ROBO2: variants seen among roughly 807,000 people sequenced by gnomAD.
ROBO2 encodes the protein roundabout guidance receptor 2.
A neutral mutation model predicts 160.8 loss-of-function variants in ROBO2; 53 were observed. The ratio of observed to expected loss-of-function variants is 0.33; its 90% CI spans 0.26 to 0.41. The LOEUF (loss-of-function observed/expected upper bound fraction) is 0.41, where lower values mean the gene tolerates loss of function less well. ROBO2 is among the 10% of genes least tolerant of loss of function. ROBO2 has a pLI of 1.00. For synonymous variants in ROBO2, 664 were observed against 611.7 expected (o/e 1.09, Z -1.26); for missense variants, 1,577 against 1,722.4 (o/e 0.92, Z 1.49).
At chr3:76,487,058 C>A (rs1560028572) in intron 2 of ROBO2, among the ~76,000 whole-genome samples, 1 of 152,166 alleles carries the variant, frequency 6.6e-6, no homozygotes, top group Non-Finnish European at 1.5e-5. Context: ...CAGCATCGAA[C>A]TCCTGGGCTC....
At chr3:76,202,306 A>C (rs1454175538) in intron 2 of ROBO2, among the ~76,000 whole-genome samples, 1 of 152,216 alleles carries the variant, frequency 6.6e-6, no homozygotes, top group African/African-American at 2.4e-5. Context: ...TATTTTCTGC[A>C]AAAATATAAA....
At chr3:76,434,334 A>G in intron 2 of ROBO2, 5 of 1,216,892 alleles carry the variant, frequency 4.1e-6, no homozygotes, top group Non-Finnish European at 6.1e-6. Flanking sequence ...AGAGCAGATC[A>G]AGAAGTGATA....
At chr3:76,638,962 C>T (rs1000402775) in intron 2 of ROBO2, among the ~76,000 whole-genome samples, 2 of 152,146 alleles carry the variant, frequency 1.3e-5, no homozygotes, top group Non-Finnish European at 2.9e-5. Flanking sequence ...CTGTGATGTA[C>T]TGCATTACGT....
chr3:76,638,637 G>C (rs549201804), intron 2 of ROBO2, among the ~76,000 whole-genome samples: 1 of 152,154 alleles, frequency 6.6e-6, no homozygotes, highest in African/African-American at 2.4e-5. Context: ...AAATAACGTA[G>C]CATGTTTAGA....
At chr3:77,186,018 G>A (rs1042012696) in intron 2 of ROBO2, among the ~76,000 whole-genome samples, 4 of 151,886 alleles carry the variant, frequency 2.6e-5, no homozygotes, top group African/African-American at 9.7e-5. Context: ...TGGACTTTGG[G>A]AATTTAGGGG....
intron 2 of ROBO2, among the ~76,000 whole-genome samples, chr3:77,194,367 C>T (rs1434220353): frequency 3.3e-5 from 5 of 152,158 alleles, no homozygotes; most frequent in African/African-American, 7.2e-5. Context: ...CTTAACATGG[C>T]TATTAGTTAC....
At chr3:76,164,449 C>A (rs896663918) in intron 2 of ROBO2, among the ~76,000 whole-genome samples, 1 of 152,094 alleles carries the variant, frequency 6.6e-6, no homozygotes, top group African/African-American at 2.4e-5. Context: ...GCAACTATAG[C>A]CTTATGAAAC....
At chr3:76,567,797 GTA>G (rs1553806022) in intron 2 of ROBO2, among the ~76,000 whole-genome samples, 24 of 72,452 alleles carry the variant, frequency 3.3e-4, no homozygotes, top group African/African-American at 6.3e-4. Flanking sequence ...GTGTGTGTGT[GTA>G]TATATATATT....
intron 2 of ROBO2, among the ~76,000 whole-genome samples, chr3:76,133,909 A>G (rs1449371916): frequency 1.3e-5 from 2 of 152,102 alleles, no homozygotes; most frequent in East Asian, 1.9e-4. Flanking sequence ...AGACACACCC[A>G]GGAGCACTAC....
rs1429410746 is a variant in ROBO2, at chr3:77,562,644, A to T, written c.1438-7A>T. ...CAATTTAATTCTCTCCCTTCTGTGC[A>T]CACTAGATTTCTGATACTGGCACTT... is the stretch of plus-strand genomic sequence containing the variant. On this transcript the variant is annotated splice_region_variant and splice_polypyrimidine_tract_variant and intron_variant, in intron 9 of 25. Transcript: ENST00000461745. 1 of 1,605,824 alleles carries T rather than the reference A, an allele frequency of 6.2e-7. No homozygotes were observed. The highest frequency in any genetic ancestry group is 8.5e-7 in the Non-Finnish European group (1 of 1,173,018).
intron 2 of ROBO2, among the ~76,000 whole-genome samples, chr3:76,828,365 T>C (rs1186278416): frequency 6.6e-6 from 1 of 152,124 alleles, no homozygotes; most frequent in African/African-American, 2.4e-5. Flanking sequence ...TTTAATAATA[T>C]TTAACTCACA....
chr3:76,272,814 ATGTATTT>A (rs1559705601), intron 2 of ROBO2, among the ~76,000 whole-genome samples: 243 of 7,924 alleles, frequency 0.031, 22 homozygotes, highest in Middle Eastern at 0.17. Context: ...AATATATAAT[ATGTATTT>A]ATATATAAAA....
chr3:75,953,554 A>G (rs969999800), intron 2 of ROBO2, among the ~76,000 whole-genome samples: 5 of 151,936 alleles, frequency 3.3e-5, no homozygotes, highest in Non-Finnish European at 5.9e-5. Context: ...TTGAATAACA[A>G]AAGTCTTTAA....
At chr3:76,990,379 A>G in intron 2 of ROBO2, among the ~76,000 whole-genome samples, 1 of 152,342 alleles carries the variant, frequency 6.6e-6, no homozygotes. Context: ...AGTTTCTATC[A>G]TTTAAATTTT....
At chr3:76,518,232 C>A (rs537761219) in intron 2 of ROBO2, among the ~76,000 whole-genome samples, 1 of 152,208 alleles carries the variant, frequency 6.6e-6, no homozygotes, top group African/African-American at 2.4e-5. Flanking sequence ...CCTGAAGGAC[C>A]CAGGCACTTT....
chr3:76,882,086 T>TTGTGTGTG (rs10611502), intron 2 of ROBO2, among the ~76,000 whole-genome samples: 4 of 144,368 alleles, frequency 2.8e-5, no homozygotes, highest in African/African-American at 7.8e-5. Context: ...CGTAGGTTGG[T>TTGTGTGTG]TGTGTGTGTG....
chr3:77,364,786 G>A (rs1199846252), intron 2 of ROBO2, among the ~76,000 whole-genome samples: 1 of 152,110 alleles, frequency 6.6e-6, no homozygotes, highest in Non-Finnish European at 1.5e-5. Context: ...TCCCAACTTA[G>A]GTGTGTGTGA....
intron 2 of ROBO2, among the ~76,000 whole-genome samples, chr3:77,021,134 G>A (rs943170174): frequency 2.0e-5 from 3 of 152,092 alleles, no homozygotes; most frequent in Non-Finnish European, 4.4e-5. Context: ...CTGGGAGGTC[G>A]AGGTTGCAGT....
chr3:77,279,450 A>G (rs541034617), intron 2 of ROBO2, among the ~76,000 whole-genome samples: 1 of 152,288 alleles, frequency 6.6e-6, no homozygotes, highest in Admixed American at 6.5e-5. Flanking sequence ...GAATATGCAT[A>G]GTAGAAAATT....
Sources: allele counts gnomAD v4.1 joint callset (sites outside exome capture counted in the v4.1 genomes callset), GRCh38; gene constraint gnomAD v4.1.1; transcripts MANE v1.5; gene names NCBI Gene and HGNC (gene_info 2026-07-23, HGNC 2026-07-21).